BTRC: variants seen among roughly 807,000 people sequenced by gnomAD.
The protein encoded by BTRC is F-box/WD repeat-containing protein 1A.
BTRC carries 42 observed loss-of-function variants against 85.5 expected under a neutral mutation model. The observed-to-expected ratio is 0.49, with a 90% CI of 0.38 to 0.64. The LOEUF (loss-of-function observed/expected upper bound fraction) is 0.64. Among genes scored for constraint, BTRC ranks in the 30% least tolerant of loss-of-function variants. The probability of loss-of-function intolerance (pLI) is 0.00; values close to 1 mark genes in which losing one functional copy is unlikely to be tolerated. For synonymous variants in BTRC, 255 were observed against 263.3 expected, an observed-to-expected ratio of 0.97 and a Z score of 0.30; for missense variants, 594 against 743.5, an observed-to-expected ratio of 0.80 and a Z score of 2.34.
intron 1 of BTRC, among the ~76,000 whole-genome samples, chr10:101,391,536 C>G (rs1943236088): frequency 6.6e-6 from 1 of 152,106 alleles, no homozygotes; most frequent in Non-Finnish European, 1.5e-5. Flanking sequence ...TTCAGCCTTC[C>G]CAAAATGCTC....
In BTRC at chr10:101,383,397, T is replaced by TA. The variant is rs201618642; in HGVS notation, c.48+29184dup. On this transcript the variant is annotated intron_variant, in intron 1 of 14. Transcript: ENST00000370187. ...TGTGGCTTCTATAAGTCTTCCTTTT[T>TA]AAAAAAAAAAAAAAAGGCTAGTCAA... Among the ~76,000 whole-genome samples, 531 of 132,812 alleles carry TA rather than the reference T, an allele frequency of 4.0e-3. 2 individuals carry two copies. Among genetic ancestry groups the TA allele is most frequent in the African/African-American group, 9.3e-3 (334 of 36,046 alleles). The allele number at this position is 132,812 out of a possible 152,430, so 87.1% of individuals were successfully genotyped here. A position where few individuals can be genotyped will look rare whatever the true frequency, so the allele number is the denominator to read the frequency against.
At chr10:101,478,300 CAA>C (rs542191555) in intron 3 of BTRC, among the ~76,000 whole-genome samples, 9 of 126,432 alleles carry the variant, frequency 7.1e-5, no homozygotes, top group Admixed American at 7.9e-5. Context: ...GACTCCATCT[CAA>C]AAAAAAAAAA....
rs748605222 is a variant in BTRC at position 101,454,617 on chromosome 10, C to CA, written c.157-7357dup. 1.5e-4 allele frequency among the ~76,000 whole-genome samples: 23 copies of CA among 151,832 alleles called. No individual in the cohort carries two copies. The East Asian group carries it at 1.7e-3, about 12-fold the overall frequency. The stretch of plus-strand genomic sequence containing the variant: ...AATATAGTGAGAACCCCTGTATCTA[C>CA]AAAAAAACAGAAAAATTAGCCTGGT... On this transcript the variant is annotated intron_variant, in intron 2 of 14. Coordinates refer to ENST00000370187, the MANE Select transcript of BTRC (RefSeq NM_033637.4).
intron 1 of BTRC, among the ~76,000 whole-genome samples, chr10:101,418,867 T>C (rs1229258105): frequency 3.9e-5 from 6 of 152,126 alleles, no homozygotes; most frequent in Non-Finnish European, 8.8e-5. Flanking sequence ...CCCGCCCTCC[T>C]GGCAAACAAA....
intron 4 of BTRC, among the ~76,000 whole-genome samples, chr10:101,519,074 C>CTTTTTTTTTTTTTTTTTTTTTTTT (rs35213665): frequency 9.5e-6 from 1 of 104,936 alleles, no homozygotes; most frequent in African/African-American, 3.5e-5. Context: ...CTCTTCTCAG[C>CTTTTTTTTTTTTTTTTTTTTTTTT]TTTTTTTTTT....
At chr10:101,466,281 ACT>A (rs1022561828) in intron 3 of BTRC, among the ~76,000 whole-genome samples, 4 of 151,678 alleles carry the variant, frequency 2.6e-5, no homozygotes, top group Admixed American at 2.0e-4. Context: ...AGCTCTCTCA[ACT>A]CTCTGAAAGC....
At chr10:101,375,074 T>C (rs1011309882) in intron 1 of BTRC, among the ~76,000 whole-genome samples, 1 of 152,114 alleles carries the variant, frequency 6.6e-6, no homozygotes, top group African/African-American at 2.4e-5. Context: ...GCAGGGGAAC[T>C]TAGCAAGGGA....
At position 101,520,246 on chromosome 10, in the gene BTRC, C is replaced by A. The variant is rs527293642; in HGVS notation, c.325-1393C>A. ...GCAACCTCTGCCTCCTGGGTTCAAGCGATTCTCCTGCCTCAGCCTCCTGAG... is the reference window on the plus strand; with the variant it reads ...GCAACCTCTGCCTCCTGGGTTCAAGAGATTCTCCTGCCTCAGCCTCCTGAG... On this transcript the variant is annotated intron_variant, in intron 4 of 14. Transcript: ENST00000370187. 4.3e-4 allele frequency among the ~76,000 whole-genome samples: 66 copies of A among 151,956 alleles called. 2 individuals carry two copies. Among genetic ancestry groups the A allele is most frequent in the African/African-American group, 1.2e-3 (49 of 41,466 alleles).
chr10:101,514,340 A>G (rs896450961), intron 4 of BTRC, among the ~76,000 whole-genome samples: 5 of 152,088 alleles, frequency 3.3e-5, no homozygotes, highest in African/African-American at 7.2e-5. Flanking sequence ...GAAGTTTTAT[A>G]GTTTTAGCTC....
In BTRC at chr10:101,493,306, CAGGT is replaced by C. The variant is rs1454963046; in HGVS notation, c.324+13851_324+13854del. On this transcript the variant is annotated intron_variant, in intron 4 of 14. Transcript: ENST00000370187. ...ATTTGACAGCCTTTTTGCACCATTA[CAGGT>C]ATTTATTGAATGTTTATGATGTACT... Among the ~76,000 whole-genome samples the C allele has an allele frequency of 1.8e-4, 27 of 152,298 alleles. No homozygotes were observed. The East Asian group carries it at 4.4e-3, about 25-fold the overall frequency.
intron 1 of BTRC, among the ~76,000 whole-genome samples, chr10:101,428,963 C>T (rs1031472882): frequency 6.6e-6 from 1 of 152,118 alleles, no homozygotes; most frequent in African/African-American, 2.4e-5. Flanking sequence ...TCTTGCATGG[C>T]TCTCATTGTC....
intron 4 of BTRC, among the ~76,000 whole-genome samples, chr10:101,484,145 TTGGTTG>T (rs1945920468): frequency 6.6e-6 from 1 of 152,138 alleles, no homozygotes; most frequent in Non-Finnish European, 1.5e-5. Flanking sequence ...TTAGTTGTTA[TTGGTTG>T]TTGTCACTGT....
rs372413571 is a variant in BTRC at position 101,532,375 on chromosome 10, C to T, written c.921C>T (p.Tyr307=). Residue 307 remains tyrosine (Y), a synonymous_variant, in exon 8 of 15, where the codon TAC becomes TAT. Coordinates refer to ENST00000370187, the MANE Select transcript of BTRC (RefSeq NM_033637.4). ...GAAGTGAAACAAGCAAAGGAGTTTA[C>T]TGTTTACAGTATGATGATCAGAAAA... is the stretch of plus-strand genomic sequence containing the variant. ...HCRSETSKGV[Y]CLQYDDQKIV... 29 of 1,613,572 alleles carry T rather than the reference C, an allele frequency of 1.8e-5. No individual in the cohort carries two copies. The highest frequency in any genetic ancestry group is 2.5e-5 in the Non-Finnish European group (29 of 1,179,942).
chr10:101,535,463 A>G lies in BTRC; in HGVS notation c.1457A>G (p.Asn486Ser). ...DRLVVSGSSD[N>S]TIRLWDIECG... ...CTGGTAGTGAGTGGCTCATCTGACAACACTATCAGGTGAGCAGCAAGTGCC... is the reference window on the plus strand; with the variant it reads ...CTGGTAGTGAGTGGCTCATCTGACAGCACTATCAGGTGAGCAGCAAGTGCC... The change falls in exon 11 of 15, where the codon AAC (asparagine) becomes AGC (serine). Residue 486 changes from asparagine (N) to serine (S), a missense_variant. This residue lies in a region of BTRC where 373 missense variants were observed against 503.6 expected (regional missense o/e 0.74). Transcript: ENST00000370187. The G allele has an allele frequency of 1.2e-6, 2 of 1,609,968 alleles. No individual in the cohort carries two copies. Among genetic ancestry groups the G allele is most frequent in the Non-Finnish European group, 1.7e-6 (2 of 1,176,610 alleles).
At chr10:101,515,691 T>G (rs2062014568) in intron 4 of BTRC, among the ~76,000 whole-genome samples, 1 of 152,142 alleles carries the variant, frequency 6.6e-6, no homozygotes, top group Non-Finnish European at 1.5e-5. Flanking sequence ...TTTTGTACTT[T>G]TAGTAGAGAC....
intron 4 of BTRC, among the ~76,000 whole-genome samples, chr10:101,498,603 G>A (rs527415712): frequency 5.9e-5 from 9 of 152,154 alleles, no homozygotes; most frequent in Non-Finnish European, 1.3e-4. Flanking sequence ...TGGGGAATTT[G>A]GCATTAAGTT....
At chr10:101,504,754 C>T (rs1291507650) in intron 4 of BTRC, among the ~76,000 whole-genome samples, 1 of 151,626 alleles carries the variant, frequency 6.6e-6, no homozygotes, top group Non-Finnish European at 1.5e-5. Context: ...CCCCTCCTTT[C>T]AGCTCCCCTC....
chr10:101,534,484 C>T (rs1290251238), intron 9 of BTRC, among the ~76,000 whole-genome samples, 177 bp from the exon 10 acceptor site: 2 of 152,118 alleles, frequency 1.3e-5, no homozygotes, highest in African/African-American at 4.8e-5. Flanking sequence ...CACAACTTGC[C>T]CATATTTCAA....
intron 1 of BTRC, among the ~76,000 whole-genome samples, chr10:101,381,176 C>T (rs780693998): frequency 1.3e-5 from 2 of 151,984 alleles, no homozygotes; most frequent in East Asian, 3.9e-4. Context: ...CAGTATATAC[C>T]GTGCAGGATT....
Sources: allele counts gnomAD v4.1 joint callset (sites outside exome capture counted in the v4.1 genomes callset), GRCh38; gene constraint gnomAD v4.1.1; regional missense constraint gnomAD v4.1.1; transcripts MANE v1.5; gene names NCBI Gene and HGNC (gene_info 2026-07-23, HGNC 2026-07-21).